The following LPP variants were observed in gnomAD, a reference collection of about 807,000 sequenced individuals.
The protein encoded by LPP is lipoma-preferred partner.
A neutral mutation model predicts 60.4 loss-of-function variants in LPP; 38 were observed. That is an observed-to-expected ratio of 0.63 (90% confidence interval 0.49 to 0.83). The LOEUF (loss-of-function observed/expected upper bound fraction) is 0.83. LPP is among the 40% of genes least tolerant of loss of function. The probability of loss-of-function intolerance (pLI) is 0.00; values close to 1 mark genes in which losing one functional copy is unlikely to be tolerated. For missense variants in LPP, 902 were observed against 783.6 expected, an observed-to-expected ratio of 1.15 and a Z score of -1.80; for synonymous variants, 328 against 290.8, an observed-to-expected ratio of 1.13 and a Z score of -1.30.
At chr3:188,469,850 CAT>C (rs1801377014) in intron 4 of LPP, among the ~76,000 whole-genome samples, 1 of 152,042 alleles carries the variant, frequency 6.6e-6, no homozygotes, top group Non-Finnish European at 1.5e-5. Context: ...GGGCAAGTCA[CAT>C]AAAGAATAAT....
chr3:188,714,672 T>C (rs537670436), intron 8 of LPP, among the ~76,000 whole-genome samples: 3 of 152,182 alleles, frequency 2.0e-5, no homozygotes, highest in Non-Finnish European at 4.4e-5. Context: ...AACTTGTGAC[T>C]GTCGCATTAC....
At position 188,192,700 on chromosome 3, in the gene LPP, A is replaced by G. The variant is rs371918207; in HGVS notation, c.-189-32705A>G. Among the ~76,000 whole-genome samples, 32 of 152,320 alleles carry G rather than the reference A, an allele frequency of 2.1e-4. No individual in the cohort carries two copies. In the East Asian group the frequency reaches 2.7e-3, roughly 13 times the overall value. ...CAGTCTCATCTGACTACAAAGTCTGAACGTTCCGCTTTTCCACTGTATGGC... is the reference window on the plus strand; with the variant it reads ...CAGTCTCATCTGACTACAAAGTCTGGACGTTCCGCTTTTCCACTGTATGGC... On this transcript the variant is annotated intron_variant, in intron 1 of 11. Transcript: ENST00000617246.
rs192540980 is a variant in LPP at position 188,367,090 on chromosome 3, G to T, written c.-10+25371G>T. Among the ~76,000 whole-genome samples the T allele has an allele frequency of 3.7e-4, 57 of 152,100 alleles. 2 individuals carry two copies. The East Asian group carries it at 0.011, about 28-fold the overall frequency. ...TTTTTGTATTTTTAGTAGAGACGGGGTTTCACCATGTTAGCCAGGATGGTC... is the reference window on the plus strand; with the variant it reads ...TTTTTGTATTTTTAGTAGAGACGGGTTTTCACCATGTTAGCCAGGATGGTC... On this transcript the variant is annotated intron_variant, in intron 3 of 11. Transcript: ENST00000617246.
chr3:188,462,576 ATATATATATGCATGTGTG>A (rs1799303392), intron 4 of LPP, among the ~76,000 whole-genome samples: 9 of 57,788 alleles, frequency 1.6e-4, no homozygotes, highest in Non-Finnish European at 2.7e-4. Context: ...ATATATATAT[ATATATATATGCATGTGTG>A]TGTGTGTGTG....
At chr3:188,684,393 A>G (rs1034993688) in intron 7 of LPP, among the ~76,000 whole-genome samples, 6 of 152,214 alleles carry the variant, frequency 3.9e-5, no homozygotes, top group African/African-American at 1.4e-4. Context: ...TTTTTACATT[A>G]TGAAACACCT....
intron 7 of LPP, among the ~76,000 whole-genome samples, chr3:188,620,405 G>A (rs1434095572): frequency 6.6e-6 from 1 of 151,884 alleles, no homozygotes; most frequent in Non-Finnish European, 1.5e-5. Flanking sequence ...TTGGACATTT[G>A]GAATAATACT....
At position 188,881,641 on chromosome 3, in the gene LPP, G is replaced by T; in HGVS notation, c.*7162G>T. 4.5e-6 allele frequency: 1 copy of T among 223,502 alleles called. No homozygotes were observed. Among genetic ancestry groups the T allele is most frequent in the East Asian group, 6.5e-5 (1 of 15,362 alleles). The allele number at this position is 223,502 out of a possible 1,614,324, so 13.8% of individuals were successfully genotyped here. ...TTACTTTTTGTTCTGTACTATTTTGGATGTTGCCAAAATCAAATTCATCCT... is the reference window on the plus strand; with the variant it reads ...TTACTTTTTGTTCTGTACTATTTTGTATGTTGCCAAAATCAAATTCATCCT... On this transcript the variant is annotated 3_prime_UTR_variant, in exon 12 of 12. Coordinates refer to ENST00000617246, the MANE Select transcript of LPP (RefSeq NM_001375462.1).
chr3:188,712,544 T>A (rs1711989747), intron 8 of LPP: 1 of 152,234 alleles, frequency 6.6e-6, no homozygotes, highest in African/African-American at 2.4e-5. Flanking sequence ...AGCGATAAAG[T>A]CTTCTCTTCC....
chr3:188,181,336 A>C (rs1385962703), intron 1 of LPP, among the ~76,000 whole-genome samples: 7 of 146,824 alleles, frequency 4.8e-5, no homozygotes, highest in Non-Finnish European at 9.0e-5. Context: ...CTGGGTGACA[A>C]AGTGAAATTC....
intron 9 of LPP, among the ~76,000 whole-genome samples, chr3:188,812,050 A>T (rs1212022909): frequency 6.6e-6 from 1 of 152,076 alleles, no homozygotes; most frequent in East Asian, 1.9e-4. Context: ...TAGTAAGAGG[A>T]TCTTTGTGGA....
At chr3:188,559,356 A>G (rs1022489922) in intron 6 of LPP, among the ~76,000 whole-genome samples, 2 of 152,084 alleles carry the variant, frequency 1.3e-5, no homozygotes, top group Admixed American at 1.3e-4. Flanking sequence ...ATATATATGT[A>G]GTGTAACCTG....
chr3:188,341,620 G>A (rs1763081883), intron 2 of LPP, 43 bp from the exon 3 acceptor site: 1 of 765,766 alleles, frequency 1.3e-6, no homozygotes, highest in South Asian at 6.1e-5. Context: ...TATGGGTTTG[G>A]TGTCTGGAAG....
chr3:188,700,786 TACTC>T (rs1381378005), intron 7 of LPP, among the ~76,000 whole-genome samples: 1 of 152,206 alleles, frequency 6.6e-6, no homozygotes, highest in Admixed American at 6.5e-5. Flanking sequence ...GGTTTCCACT[TACTC>T]AGTGTGTCTA....
chr3:188,556,025 G>GA (rs1208148767), intron 6 of LPP, among the ~76,000 whole-genome samples: 3 of 152,080 alleles, frequency 2.0e-5, no homozygotes, highest in Non-Finnish European at 4.4e-5. Context: ...GAAATGAAGT[G>GA]AAAAATGTGC....
rs1365451144 is a variant in LPP, at chr3:188,380,293, G to C, written c.-9-25819G>C. Among the ~76,000 whole-genome samples, 7 of 152,384 alleles carry C rather than the reference G, an allele frequency of 4.6e-5. No homozygotes were observed. The East Asian group carries it at 1.3e-3, about 29-fold the overall frequency. On this transcript the variant is annotated intron_variant, in intron 3 of 11. Transcript: ENST00000617246. Reference sequence around the variant, plus strand: ...AACTCGATAGATTATAGTTATAAATGTTGTTCTTTGGGCACTTGCCATGAG... The same window carrying C: ...AACTCGATAGATTATAGTTATAAATCTTGTTCTTTGGGCACTTGCCATGAG...
At position 188,418,967 on chromosome 3, in the gene LPP, CATT is replaced by C. The variant is rs1287162552; in HGVS notation, c.193+12658_193+12660del. Among the ~76,000 whole-genome samples the C allele has an allele frequency of 7.9e-5, 12 of 152,014 alleles. No individual in the cohort carries two copies. The East Asian group carries it at 2.1e-3, about 27-fold the overall frequency. On this transcript the variant is annotated intron_variant, in intron 4 of 11. Coordinates refer to ENST00000617246, the MANE Select transcript of LPP (RefSeq NM_001375462.1). Reference sequence around the variant, plus strand: ...CTATAGAAATGGCATTTTAATTCGTCATTATTTTTATTATTGATCTGTTAATGT... The same window carrying C: ...CTATAGAAATGGCATTTTAATTCGTCATTTTTATTATTGATCTGTTAATGT...
chr3:188,262,276 G>A (rs1181643352), intron 2 of LPP, among the ~76,000 whole-genome samples: 1 of 151,892 alleles, frequency 6.6e-6, no homozygotes, highest in South Asian at 2.1e-4. Context: ...TACCAAGCAC[G>A]ATTATGGGTA....
chr3:188,475,505 T>A (rs553571086), intron 4 of LPP, among the ~76,000 whole-genome samples: 2 of 152,320 alleles, frequency 1.3e-5, no homozygotes, highest in African/African-American at 4.8e-5. Context: ...ATGCTTAGCA[T>A]CTCATGAGCT....
chr3:188,340,524 A>C (rs1398710714), intron 2 of LPP, among the ~76,000 whole-genome samples: 1 of 151,808 alleles, frequency 6.6e-6, no homozygotes, highest in Admixed American at 6.6e-5. Context: ...ACTTCCTAGA[A>C]GTCTTATATT....
Sources: allele counts gnomAD v4.1 joint callset (sites outside exome capture counted in the v4.1 genomes callset), GRCh38; gene constraint gnomAD v4.1.1; transcripts MANE v1.5; gene names NCBI Gene and HGNC (gene_info 2026-07-23, HGNC 2026-07-21).